Variants in ZNF69 observed in about 807,000 individuals in gnomAD.
ZNF69 encodes the protein zinc finger protein 69, also known as ZNF3.
Under a neutral mutation model 50.9 loss-of-function variants are expected in ZNF69, and 47 were observed. That is an observed-to-expected ratio of 0.92 (90% CI 0.73 to 1.18). The LOEUF (loss-of-function observed/expected upper bound fraction) is 1.18, where lower values mean the gene tolerates loss of function less well. Among genes scored for constraint, ZNF69 ranks in the 50% most tolerant of loss-of-function variants. The pLI, the probability that ZNF69 is intolerant of heterozygous loss-of-function variation, is 0.00. For missense variants in ZNF69, 717 were observed against 675.1 expected (o/e 1.06, Z -0.69); for synonymous variants, 216 against 223.1 (o/e 0.97, Z 0.29).
the ZNF69 span, among the ~76,000 whole-genome samples, chr19:11,922,814 G>GT: frequency 1.3e-5 from 2 of 149,002 alleles, no homozygotes; most frequent in African/African-American, 5.0e-5. Flanking sequence ...GCTTTTTATG[G>GT]GTTTTTTTGT....
the ZNF69 span, among the ~76,000 whole-genome samples, chr19:11,929,873 T>C: frequency 2.0e-5 from 3 of 148,406 alleles, no homozygotes; most frequent in Non-Finnish European, 4.4e-5. Context: ...CTGCCTCTCC[T>C]CCTTTTATCT....
chr19:11,928,173 G>A, the ZNF69 span, among the ~76,000 whole-genome samples: 20 of 151,968 alleles, frequency 1.3e-4, no homozygotes, highest in Admixed American at 6.6e-4. Flanking sequence ...TTTTACAGAG[G>A]TTAGGTCTCG....
At chr19:11,891,663 G>A (rs1977091789) in intron 1 of ZNF69, among the ~76,000 whole-genome samples, 1 of 152,188 alleles carries the variant, frequency 6.6e-6, no homozygotes, top group South Asian at 2.1e-4. Flanking sequence ...GCACCCAAGT[G>A]CATTAAAACA....
At chr19:11,917,205 C>T (rs935020823), downstream of ZNF69, among the ~76,000 whole-genome samples, 2 of 152,110 alleles carry the variant, frequency 1.3e-5, no homozygotes, top group African/African-American at 4.8e-5. Context: ...TACATAACTG[C>T]TTAGTGCTGG....
chr19:11,956,786 G>A, the ZNF69 span: 33 of 374,790 alleles, frequency 8.8e-5, no homozygotes, highest in East Asian at 6.1e-4. Flanking sequence ...AACTCGGGGC[G>A]GAGGCTGCAG....
chr19:11,949,596 AAC>A, the ZNF69 span: 2 of 1,613,242 alleles, frequency 1.2e-6, no homozygotes, highest in Non-Finnish European at 1.7e-6. Context: ...AGTCATTTCA[AAC>A]ACATGAAAAA....
chr19:11,946,919 G>T, the ZNF69 span: 1 of 545,000 alleles, frequency 1.8e-6, no homozygotes, highest in Non-Finnish European at 2.7e-6. Flanking sequence ...AGAATCGCTT[G>T]AACCCCGGTG....
the ZNF69 span, chr19:11,947,033 T>C: frequency 4.6e-5 from 60 of 1,316,216 alleles, no homozygotes; most frequent in Admixed American, 2.1e-4. Context: ...AGAAAGTAAG[T>C]ATAGATGGAG....
At chr19:11,970,532 A>G in the ZNF69 span, among the ~76,000 whole-genome samples, 1 of 152,248 alleles carries the variant, frequency 6.6e-6, no homozygotes, top group African/African-American at 2.4e-5. Context: ...GGAGATGATG[A>G]GTAGTAGATT....
chr19:11,952,567 A>G, the ZNF69 span, among the ~76,000 whole-genome samples: 2 of 152,238 alleles, frequency 1.3e-5, no homozygotes, highest in South Asian at 4.1e-4. Flanking sequence ...TTAAGGTACC[A>G]ATGAAGCTGC....
intron 1 of ZNF69, among the ~76,000 whole-genome samples, chr19:11,891,949 T>A (rs547992894): frequency 6.6e-6 from 1 of 152,240 alleles, no homozygotes; most frequent in Non-Finnish European, 1.5e-5. Flanking sequence ...GCATTTTCCA[T>A]AGAAGGCTGA....
Position 11,905,711 on chromosome 19 carries a change from C to T in ZNF69, c.1314C>T (p.His438=). ...SSHLQLHGRT[H]TGEKPYECQE... is the part of the protein sequence containing the mutation. ...ACCTTCAATTGCATGGTAGGACTCA[C>T]ACTGGAGAGAAGCCCTATGAATGTC... The change falls in exon 4 of 4, where the codon CAC becomes CAT. Residue 438 remains histidine, a synonymous_variant. Transcript: ENST00000429654. The T allele has an allele frequency of 6.2e-7, 1 of 1,613,922 alleles. No homozygotes were observed.
chr19:11,965,846 G>C, the ZNF69 span, among the ~76,000 whole-genome samples: 2 of 152,160 alleles, frequency 1.3e-5, no homozygotes, highest in Non-Finnish European at 2.9e-5. Context: ...AGAGAGACAG[G>C]AATTGCAGGG....
At chr19:11,947,718 A>G in the ZNF69 span, 10 of 870,412 alleles carry the variant, frequency 1.1e-5, no homozygotes, top group African/African-American at 1.2e-4. Flanking sequence ...ACATATATTT[A>G]AACGTGACTG....
chr19:11,947,455 A>G, the ZNF69 span: 1 of 1,602,150 alleles, frequency 6.2e-7, no homozygotes, highest in Non-Finnish European at 8.5e-7. Flanking sequence ...CACAGAATCT[A>G]ATAATTTTTT....
chr19:11,919,399 T>A, the ZNF69 span, among the ~76,000 whole-genome samples: 2 of 152,116 alleles, frequency 1.3e-5, no homozygotes, highest in Non-Finnish European at 2.9e-5. Context: ...GATTACATCG[T>A]CTCCAAAGCC....
chr19:11,951,521 GC>G, the ZNF69 span, among the ~76,000 whole-genome samples: 1 of 151,900 alleles, frequency 6.6e-6, no homozygotes, highest in Non-Finnish European at 1.5e-5. Context: ...GAGCCACTGG[GC>G]CCGGCCTCAA....
chr19:11,954,212 T>G, the ZNF69 span, among the ~76,000 whole-genome samples: 1 of 152,168 alleles, frequency 6.6e-6, no homozygotes, highest in African/African-American at 2.4e-5. Flanking sequence ...AGAATGCAGA[T>G]GTGGCATGGC....
At chr19:11,963,347 G>A in the ZNF69 span, among the ~76,000 whole-genome samples, 1 of 152,248 alleles carries the variant, frequency 6.6e-6, no homozygotes, top group East Asian at 1.9e-4. Flanking sequence ...CTCCCACTTT[G>A]GCCTCCCAAA....
Sources: allele counts gnomAD v4.1 joint callset (sites outside exome capture counted in the v4.1 genomes callset), GRCh38; gene constraint gnomAD v4.1.1; transcripts MANE v1.5; gene names NCBI Gene and HGNC (gene_info 2026-07-23, HGNC 2026-07-21).